RANBP2: variants seen among roughly 807,000 people sequenced by gnomAD.
The protein encoded by RANBP2 is RAN binding protein 2.
In RANBP2, 57 loss-of-function variants were observed where a neutral mutation model predicts 303.6. That is an observed-to-expected ratio of 0.19 (90% CI 0.15 to 0.23). RANBP2 has a LOEUF of 0.23. Ranked by LOEUF, RANBP2 falls within the 10% of genes least tolerant of loss-of-function variation. The pLI, the probability that RANBP2 is intolerant of heterozygous loss-of-function variation, is 1.00. For synonymous variants in RANBP2, 1,167 were observed against 1,301.5 expected (o/e 0.90, Z 2.23); for missense variants, 3,138 against 3,780.8 (o/e 0.83, Z 4.46).
chr2:109,463,268 G>A, the RANBP2 span, among the ~76,000 whole-genome samples: 1 of 152,390 alleles, frequency 6.6e-6, no homozygotes, highest in East Asian at 1.9e-4. Flanking sequence ...CCAGTTGCCA[G>A]TTGATTACTG....
chr2:109,361,016 TG>T, the RANBP2 span, among the ~76,000 whole-genome samples: 2 of 152,352 alleles, frequency 1.3e-5, no homozygotes, highest in Admixed American at 6.5e-5. Context: ...TGTAGTTTAC[TG>T]AGAGTTTTTA....
chr2:109,409,934 A>G, the RANBP2 span, among the ~76,000 whole-genome samples: 3 of 152,162 alleles, frequency 2.0e-5, no homozygotes, highest in Non-Finnish European at 4.4e-5. Flanking sequence ...CTTACATTAA[A>G]CATTTAAATG....
At chr2:109,446,672 C>G in the RANBP2 span, among the ~76,000 whole-genome samples, 1 of 152,160 alleles carries the variant, frequency 6.6e-6, no homozygotes, top group African/African-American at 2.4e-5. Context: ...CTGAGGTGAC[C>G]AGGAGCCAGT....
the RANBP2 span, among the ~76,000 whole-genome samples, chr2:109,130,734 GC>G: frequency 6.6e-6 from 1 of 152,172 alleles, no homozygotes; most frequent in East Asian, 1.9e-4. Context: ...GGGCTCCCAG[GC>G]AGGGTTGCAT....
the RANBP2 span, among the ~76,000 whole-genome samples, chr2:109,032,767 C>T: frequency 1.3e-5 from 2 of 152,216 alleles, no homozygotes; most frequent in African/African-American, 4.8e-5. Context: ...TAGGAACTCA[C>T]AAGTCAGAAT....
chr2:108,848,747 A>G, the RANBP2 span, among the ~76,000 whole-genome samples: 13 of 152,324 alleles, frequency 8.5e-5, no homozygotes, highest in East Asian at 2.5e-3. Context: ...CAATCCTAAT[A>G]TGTAATGATA....
chr2:108,913,787 A>G, the RANBP2 span, among the ~76,000 whole-genome samples: 1 of 151,902 alleles, frequency 6.6e-6, no homozygotes, highest in African/African-American at 2.4e-5. Flanking sequence ...CGTCTCTACT[A>G]AAAATACAAA....
the RANBP2 span, among the ~76,000 whole-genome samples, chr2:109,075,508 G>A: frequency 1.4e-5 from 2 of 147,204 alleles, no homozygotes; most frequent in African/African-American, 4.9e-5. Context: ...TTATAGGCAT[G>A]AGCCACCGTG....
the RANBP2 span, among the ~76,000 whole-genome samples, chr2:109,475,502 C>T: frequency 6.6e-6 from 1 of 152,176 alleles, no homozygotes; most frequent in Admixed American, 6.5e-5. Context: ...CTGAAGCCAC[C>T]CACCTACTTC....
intron 9 of RANBP2, 84 bp downstream of exon 9, chr2:108,749,213 T>A (rs1675652331): frequency 6.3e-7 from 1 of 1,599,768 alleles, no homozygotes. Flanking sequence ...AATAACGACT[T>A]AATATTTTCC....
the RANBP2 span, among the ~76,000 whole-genome samples, chr2:109,303,214 C>CT: frequency 6.6e-6 from 1 of 152,300 alleles, no homozygotes; most frequent in Admixed American, 6.5e-5. Flanking sequence ...AGCCAAAGAA[C>CT]TTTGGGAGAG....
chr2:108,764,801 G>C lies in RANBP2; in HGVS notation c.4262G>C (p.Cys1421Ser). 1 of 1,614,080 alleles carries C rather than the reference G, an allele frequency of 6.2e-7. No homozygotes were observed. The highest frequency in any genetic ancestry group is 8.5e-7 in the Non-Finnish European group (1 of 1,179,978). The change falls in exon 20 of 29, where the codon TGT (cysteine) becomes TCT (serine). Residue 1421 changes from cysteine (C) to serine (S), a missense_variant. By Grantham distance (112) the Cys-to-Ser change is moderately radical. Transcript: ENST00000283195. ...CCAAAGAAAGAAGGTCACTGGGATTGTAGTATTTGTTTAGTAAGAAATGAA... is the reference window on the plus strand; with the variant it reads ...CCAAAGAAAGAAGGTCACTGGGATTCTAGTATTTGTTTAGTAAGAAATGAA... The part of the protein sequence containing the change: ...VTPKKEGHWD[C>S]SICLVRNEPT...
At chr2:109,614,315 G>C in the RANBP2 span, 1 of 615,350 alleles carries the variant, frequency 1.6e-6, no homozygotes, top group East Asian at 4.2e-5. Context: ...CGGGGGGCGT[G>C]TCCGCCCGGG....
the RANBP2 span, among the ~76,000 whole-genome samples, chr2:109,077,608 T>C: frequency 5.3e-5 from 8 of 150,522 alleles, no homozygotes; most frequent in South Asian, 1.7e-3. Context: ...TATAACTCTA[T>C]AGCAAAAGAT....
chr2:109,108,691 T>C, the RANBP2 span, among the ~76,000 whole-genome samples: 4 of 152,212 alleles, frequency 2.6e-5, no homozygotes, highest in Non-Finnish European at 4.4e-5. Context: ...TTAGCAAAAT[T>C]GAAAGGATGC....
chr2:109,737,452 C>T, the RANBP2 span: 209 of 641,600 alleles, frequency 3.3e-4, 3 homozygotes, highest in Middle Eastern at 1.8e-3. Context: ...GTGGGTGCAA[C>T]CAAGAGTGAA....
chr2:108,786,708 G>A, downstream of RANBP2: 4 of 992,470 alleles, frequency 4.0e-6, no homozygotes, highest in African/African-American at 1.7e-5. Flanking sequence ...TTTCCCTGCC[G>A]CCGTGCGTGC....
chr2:109,548,569 A>G, the RANBP2 span, among the ~76,000 whole-genome samples: 5 of 152,150 alleles, frequency 3.3e-5, no homozygotes, highest in African/African-American at 1.2e-4. Context: ...TGAGCTCAGG[A>G]GTTCAAGACC....
chr2:108,833,818 C>T, the RANBP2 span, among the ~76,000 whole-genome samples: 1 of 149,670 alleles, frequency 6.7e-6, no homozygotes, highest in Non-Finnish European at 1.5e-5. Context: ...AGCTCTGCCT[C>T]CAAGGTTCAC....
Sources: allele counts gnomAD v4.1 joint callset (sites outside exome capture counted in the v4.1 genomes callset), GRCh38; gene constraint gnomAD v4.1.1; transcripts MANE v1.5; gene names NCBI Gene and HGNC (gene_info 2026-07-23, HGNC 2026-07-21).